LCP2: variants seen among roughly 807,000 people sequenced by gnomAD.
The protein encoded by LCP2 is 76 kDa tyrosine phosphoprotein.
Under a neutral mutation model 74.5 loss-of-function variants are expected in LCP2, and 29 were observed. The ratio of observed to expected loss-of-function variants is 0.39; its 90% CI spans 0.29 to 0.53. LCP2 has a LOEUF of 0.53. Among genes scored for constraint, LCP2 ranks in the 20% least tolerant of loss-of-function variants. The pLI is 0.72. For missense variants in LCP2, 604 were observed against 634.6 expected, an observed-to-expected ratio of 0.95 and a Z score of 0.52; for synonymous variants, 228 against 229.5, an observed-to-expected ratio of 0.99 and a Z score of 0.06.
chr5:170,274,221 T>G, intron 6 of LCP2, 80 bp downstream of exon 6: 1 of 1,448,732 alleles, frequency 6.9e-7, no homozygotes, highest in Admixed American at 1.9e-5. Flanking sequence ...CCGCTTCACT[T>G]GGCTCCATCC....
At chr5:170,251,535 T>G (rs1265325353) in intron 19 of LCP2, 1 of 385,018 alleles carries the variant, frequency 2.6e-6, no homozygotes, top group African/African-American at 2.1e-5. Context: ...TAAAATAGAA[T>G]TAATTGGTAA....
rs1761326184 is a variant in LCP2 at position 170,247,528 on chromosome 5, G to T, written c.*1169C>A. On this transcript the variant is annotated 3_prime_UTR_variant, in exon 21 of 21. Coordinates refer to ENST00000046794, the MANE Select transcript of LCP2 (RefSeq NM_005565.5). ...TAAAAGTTGTGCAATAACAACCAAG[G>T]TCCCAAAGGGAAAAACTTGAAGAAC... is the stretch of plus-strand genomic sequence containing the variant. 1 of 152,190 alleles carries T rather than the reference G, an allele frequency of 6.6e-6. No homozygotes were observed. 9.4% of individuals were successfully genotyped at this position (152,190 alleles called of 1,614,324 possible). A position where few individuals can be genotyped will look rare whatever the true frequency, so the allele number is the denominator to read the frequency against.
chr5:170,284,330 G>A (rs1278654333), intron 3 of LCP2, among the ~76,000 whole-genome samples: 5 of 152,088 alleles, frequency 3.3e-5, no homozygotes, highest in Non-Finnish European at 7.4e-5. Context: ...TCTTTATTTC[G>A]TCTTCATTTT....
chr5:170,296,677 T>C lies in LCP2; in HGVS notation c.78+857A>G, dbSNP rs182360642. ...AGGGACTATAACTAAGTCATGTGGC[T>C]TGAGATCTGCCCAAGCAGATGCGTT... On this transcript the variant is annotated intron_variant, in intron 1 of 20. Coordinates refer to ENST00000046794, the MANE Select transcript of LCP2 (RefSeq NM_005565.5). Among the ~76,000 whole-genome samples, 8 of 152,326 alleles carry C rather than the reference T, an allele frequency of 5.3e-5. No individual in the cohort carries two copies. In the East Asian group the frequency reaches 1.5e-3, roughly 29 times the overall value.
chr5:170,269,579 G>A (rs1319820084), intron 7 of LCP2, among the ~76,000 whole-genome samples: 1 of 152,192 alleles, frequency 6.6e-6, no homozygotes, highest in Non-Finnish European at 1.5e-5. Context: ...ATTTCCACTT[G>A]GCCAACTTGT....
intron 6 of LCP2, 100 bp downstream of exon 6, chr5:170,274,201 T>C (rs866234742): frequency 1.1e-4 from 142 of 1,254,386 alleles, no homozygotes; most frequent in Middle Eastern, 9.6e-4. Flanking sequence ...GCTGGCATCA[T>C]GTTAGAGCCC....
chr5:170,293,787 C>T (rs918172282), intron 1 of LCP2, among the ~76,000 whole-genome samples: 48 of 152,304 alleles, frequency 3.2e-4, no homozygotes, highest in African/African-American at 1.1e-3. Flanking sequence ...GATTTATATT[C>T]AATCTCATTA....
intron 3 of LCP2, among the ~76,000 whole-genome samples, chr5:170,286,663 T>A (rs1762187417): frequency 6.6e-6 from 1 of 152,196 alleles, no homozygotes; most frequent in Non-Finnish European, 1.5e-5. Context: ...ACAATACGTG[T>A]CCCTGGAGAT....
chr5:170,284,457 T>C (rs1210607021), intron 3 of LCP2, among the ~76,000 whole-genome samples: 1 of 22,570 alleles, frequency 4.4e-5, no homozygotes, highest in Non-Finnish European at 7.7e-5. Flanking sequence ...GTAATATGTC[T>C]TTTTTTTTTT....
At chr5:170,255,407 G>A (rs1002389659) in intron 17 of LCP2, among the ~76,000 whole-genome samples, 4 of 152,132 alleles carry the variant, frequency 2.6e-5, no homozygotes, top group East Asian at 1.9e-4. Context: ...ACACTGGCCC[G>A]TGCACACACT....
chr5:170,272,597 C>T (rs200282878), intron 6 of LCP2, among the ~76,000 whole-genome samples: 807 of 39,922 alleles, frequency 0.02, 1 homozygote, highest in South Asian at 0.044. Context: ...CAAATATTTT[C>T]TTTTTTTTTT....
At chr5:170,272,592 ATTTTCTTT>A (rs558813977) in intron 6 of LCP2, among the ~76,000 whole-genome samples, 3 of 34,332 alleles carry the variant, frequency 8.7e-5, no homozygotes, top group Admixed American at 8.3e-4. Flanking sequence ...CCCATCAAAT[ATTTTCTTT>A]TTTTTTTTTT....
At chr5:170,278,603 G>A (rs1310348493) in intron 3 of LCP2, among the ~76,000 whole-genome samples, 5 of 152,124 alleles carry the variant, frequency 3.3e-5, no homozygotes, top group South Asian at 2.1e-4. Flanking sequence ...TGACTTGAGC[G>A]AGGTGGGACT....
Position 170,274,027 on chromosome 5 carries a change from T to C in LCP2, c.324+274A>G, listed in dbSNP as rs894432846. 1.2e-5 allele frequency: 6 copies of C among 492,570 alleles called. No individual in the cohort carries two copies. In the East Asian group the frequency reaches 1.4e-4, roughly 12 times the overall value. The allele number at this position is 492,570 out of a possible 1,614,324, so 30.5% of individuals were successfully genotyped here. ...CTCTGTGTTTGCAAATGAAGGTTTA[T>C]GGGCGCAAAGCCAAGCCTGTTTGTT... On this transcript the variant is annotated intron_variant, in intron 6 of 20. Transcript: ENST00000046794.
chr5:170,262,514 AG>A, intron 13 of LCP2, 120 bp downstream of exon 13: 5 of 677,998 alleles, frequency 7.4e-6, no homozygotes, highest in Admixed American at 2.9e-5. Context: ...AGCCACAGCA[AG>A]AAAAGGCCCA....
intron 13 of LCP2, 146 bp from the exon 14 acceptor site, chr5:170,261,283 C>G: frequency 3.1e-6 from 2 of 646,126 alleles, no homozygotes; most frequent in Non-Finnish European, 5.6e-6. Context: ...CCCCACAGAG[C>G]AGGGGAGAGG....
chr5:170,280,284 C>G (rs927842066), intron 3 of LCP2, among the ~76,000 whole-genome samples: 3 of 152,056 alleles, frequency 2.0e-5, no homozygotes, highest in African/African-American at 7.2e-5. Context: ...TGCCTCTCCC[C>G]CTGTGCTGTT....
chr5:170,272,958 G>A (rs1453867827), intron 6 of LCP2, among the ~76,000 whole-genome samples: 2 of 150,872 alleles, frequency 1.3e-5, no homozygotes, highest in Non-Finnish European at 2.9e-5. Context: ...ATAAATGCTT[G>A]TCCCTCATCC....
chr5:170,260,653 G>A (rs1761634327), intron 14 of LCP2, among the ~76,000 whole-genome samples: 1 of 152,222 alleles, frequency 6.6e-6, no homozygotes, highest in South Asian at 2.1e-4. Context: ...CGCAAACAGG[G>A]ACAACTGGTC....
Sources: gnomAD v4.1 joint callset for allele counts (sites outside exome capture counted in the v4.1 genomes callset) on GRCh38, gnomAD v4.1.1 for gene constraint, MANE v1.5 for transcripts, NCBI Gene and HGNC (gene_info 2026-07-23, HGNC 2026-07-21) for gene names.